The following UNC79 variants were observed in gnomAD, a reference collection of about 807,000 sequenced individuals.
UNC79 encodes the protein unc-79 subunit of NALCN channel complex, also known as protein unc-79 homolog.
Under a neutral mutation model 283.1 loss-of-function variants are expected in UNC79, and 37 were observed. The ratio of observed to expected loss-of-function variants is 0.13; its 90% CI spans 0.10 to 0.17. The LOEUF (loss-of-function observed/expected upper bound fraction) is 0.17, where lower values mean the gene tolerates loss of function less well. Ranked by LOEUF, UNC79 falls within the 10% of genes least tolerant of loss-of-function variation. UNC79 has a pLI of 1.00. For missense variants in UNC79, 2,272 were observed against 3,211.1 expected (o/e 0.71, Z 7.07); for synonymous variants, 1,107 against 1,200.2 (o/e 0.92, Z 1.61).
At chr14:93,707,261 G>A (rs1228691592), downstream of UNC79, 1 of 192,674 alleles carries the variant, frequency 5.2e-6, no homozygotes, top group African/African-American at 2.3e-5. Context: ...AGAATAAATA[G>A]GGTTTTTGAA....
At chr14:93,525,047 A>G (rs1163424980) in intron 8 of UNC79, among the ~76,000 whole-genome samples, 2 of 152,238 alleles carry the variant, frequency 1.3e-5, no homozygotes, top group Admixed American at 1.3e-4. Flanking sequence ...GAGTGCCGGT[A>G]ATAACACTGT....
At chr14:93,673,535 G>A in intron 41 of UNC79, 80 bp downstream of exon 44, 2 of 1,107,132 alleles carry the variant, frequency 1.8e-6, no homozygotes, top group African/African-American at 1.6e-5. Context: ...TAGAGTGTAT[G>A]CATAGAACTA....
intron 1 of UNC79, among the ~76,000 whole-genome samples, chr14:93,345,326 G>A (rs2053801322): frequency 1.3e-5 from 2 of 152,170 alleles, no homozygotes; most frequent in Admixed American, 1.3e-4. Flanking sequence ...AGGAACAAAA[G>A]TAACTGACCT....
chr14:93,395,379 G>A (rs750471015), intron 1 of UNC79, among the ~76,000 whole-genome samples: 6 of 152,186 alleles, frequency 3.9e-5, no homozygotes, highest in Non-Finnish European at 8.8e-5. Context: ...AGGAAGCATG[G>A]CTGGGAGGCC....
chr14:93,540,902 C>T, intron 13 of UNC79, 71 bp downstream of exon 13: 2 of 1,588,288 alleles, frequency 1.3e-6, no homozygotes, highest in South Asian at 1.1e-5. Flanking sequence ...AGAGGAATTT[C>T]TCCTGTTCTT....
At chr14:93,469,374 A>G (rs371817895) in intron 2 of UNC79, among the ~76,000 whole-genome samples, 14 of 152,296 alleles carry the variant, frequency 9.2e-5, no homozygotes, top group East Asian at 7.7e-4. Flanking sequence ...ATGTACTGCT[A>G]ATGGTAATAG....
chr14:93,699,691 C>A (rs1306667531), intron 47 of UNC79, among the ~76,000 whole-genome samples: 2 of 152,104 alleles, frequency 1.3e-5, no homozygotes, highest in Non-Finnish European at 1.5e-5. Flanking sequence ...AATAATATAC[C>A]TCCATTTCCC....
At chr14:93,346,359 C>G (rs1049117425) in intron 1 of UNC79, among the ~76,000 whole-genome samples, 1 of 152,180 alleles carries the variant, frequency 6.6e-6, no homozygotes, top group Non-Finnish European at 1.5e-5. Context: ...ACTTTTCCCT[C>G]AAGAGGGTCT....
At chr14:93,661,505 T>TG (rs1445539475) in intron 39 of UNC79, among the ~76,000 whole-genome samples, 1 of 152,210 alleles carries the variant, frequency 6.6e-6, no homozygotes, top group Non-Finnish European at 1.5e-5. Flanking sequence ...GCAAGTGTTT[T>TG]GGAGTCCAGT....
Position 93,446,904 on chromosome 14 carries a change from T to C in UNC79, c.22+15853T>C, listed in dbSNP as rs1478277655. ...GAAAACAAAATGTATTTTTAAATTG[T>C]TGGGTAATGTGTTGAAATCTTCTAC... On this transcript the variant is annotated intron_variant, in intron 1 of 48. Transcript: ENST00000555664. Among the ~76,000 whole-genome samples, 4 of 152,370 alleles carry C rather than the reference T, an allele frequency of 2.6e-5. No individual in the cohort carries two copies. The East Asian group carries it at 7.7e-4, about 29-fold the overall frequency.
At chr14:93,378,828 C>A (rs8010657) in intron 1 of UNC79, among the ~76,000 whole-genome samples, 6,027 of 152,128 alleles carry the variant, frequency 0.04, 413 homozygotes, top group African/African-American at 0.14. Context: ...AAAGTGGTTG[C>A]CAGAATTATG....
intron 24 of UNC79, among the ~76,000 whole-genome samples, chr14:93,600,080 G>T (rs993404656): frequency 1.3e-5 from 2 of 152,036 alleles, no homozygotes; most frequent in African/African-American, 2.4e-5. Context: ...GGCGCCTGTA[G>T]TCCCAGCTAC....
chr14:93,484,884 A>G (rs1479878575), intron 4 of UNC79, among the ~76,000 whole-genome samples: 1 of 152,124 alleles, frequency 6.6e-6, no homozygotes, highest in Non-Finnish European at 1.5e-5. Context: ...GAGCCAGGGG[A>G]ATGCTTTTGG....
At chr14:93,384,268 C>G (rs1035072619) in intron 1 of UNC79, among the ~76,000 whole-genome samples, 1 of 152,178 alleles carries the variant, frequency 6.6e-6, no homozygotes, top group Non-Finnish European at 1.5e-5. Flanking sequence ...TTTTGAGGAA[C>G]CTCCAAACTG....
At chr14:93,420,686 A>G (rs1047988257) in intron 1 of UNC79, among the ~76,000 whole-genome samples, 1 of 151,752 alleles carries the variant, frequency 6.6e-6, no homozygotes, top group Non-Finnish European at 1.5e-5. Flanking sequence ...GATAATTCTC[A>G]TGGATAGACC....
intron 18 of UNC79, among the ~76,000 whole-genome samples, chr14:93,579,421 A>G (rs1374079447): frequency 6.6e-6 from 1 of 152,168 alleles, no homozygotes; most frequent in Non-Finnish European, 1.5e-5. Flanking sequence ...TAATTTTCCA[A>G]TTCCATCATT....
At chr14:93,576,405 CAT>C (rs1199444476) in intron 17 of UNC79, among the ~76,000 whole-genome samples, 2 of 151,932 alleles carry the variant, frequency 1.3e-5, no homozygotes, top group African/African-American at 2.4e-5. Context: ...CAAACCTGCA[CAT>C]GTGTTCCCCC....
At chr14:93,384,269 C>T (rs1176487072) in intron 1 of UNC79, among the ~76,000 whole-genome samples, 4 of 152,176 alleles carry the variant, frequency 2.6e-5, no homozygotes, top group African/African-American at 9.7e-5. Flanking sequence ...TTTGAGGAAC[C>T]TCCAAACTGT....
chr14:93,582,438 T>G, intron 20 of UNC79, 94 bp downstream of exon 20: 1 of 1,526,750 alleles, frequency 6.5e-7, no homozygotes, highest in Non-Finnish European at 8.8e-7. Flanking sequence ...CTTGGGCAAA[T>G]TCAGACGTGG....
Sources: allele counts gnomAD v4.1 joint callset (sites outside exome capture counted in the v4.1 genomes callset), GRCh38; gene constraint gnomAD v4.1.1; transcripts MANE v1.5; gene names NCBI Gene and HGNC (gene_info 2026-07-23, HGNC 2026-07-21).